NTM: variants seen among roughly 807,000 people sequenced by gnomAD.
NTM encodes the protein IgLON family member 2.
In NTM, 13 loss-of-function variants were observed where a neutral mutation model predicts 42.1. That is an observed-to-expected ratio of 0.31 (90% CI 0.20 to 0.49). The LOEUF is 0.49. NTM is among the 20% of genes least tolerant of loss of function. NTM has a pLI of 0.99. For synonymous variants in NTM, 187 were observed against 179.2 expected, an observed-to-expected ratio of 1.04 and a Z score of -0.35; for missense variants, 373 against 452.8, an observed-to-expected ratio of 0.82 and a Z score of 1.60.
At chr11:131,775,058 C>T (rs2086746130) in intron 1 of NTM, among the ~76,000 whole-genome samples, 1 of 152,176 alleles carries the variant, frequency 6.6e-6, no homozygotes, top group South Asian at 2.1e-4. Flanking sequence ...TCAGTATGAC[C>T]ATTGCTTCTA....
chr11:132,125,368 A>G (rs2065523745), intron 2 of NTM, among the ~76,000 whole-genome samples: 1 of 70,440 alleles, frequency 1.4e-5, no homozygotes, highest in Non-Finnish European at 2.9e-5. Context: ...GTAGTGTATG[A>G]TGTGTGTGTG....
At chr11:132,124,628 C>T (rs549929543) in intron 2 of NTM, among the ~76,000 whole-genome samples, 6 of 152,158 alleles carry the variant, frequency 3.9e-5, no homozygotes, top group South Asian at 4.1e-4. Context: ...TGTGTGCGCG[C>T]GCACGCGCAG....
In NTM at chr11:131,736,828, T is replaced by C. The variant is rs575637493; in HGVS notation, c.83-174736T>C. On this transcript the variant is annotated intron_variant, in intron 1 of 8. Coordinates refer to ENST00000683400, the MANE Select transcript of NTM (RefSeq NM_001352005.2). Reference sequence around the variant, plus strand: ...ATGAGGAGAGAGGTGTCATCCCTGCTTCCAGCCTGGAAGGAGCTTCATTTA... The same window carrying C: ...ATGAGGAGAGAGGTGTCATCCCTGCCTCCAGCCTGGAAGGAGCTTCATTTA... Among the ~76,000 whole-genome samples the C allele has an allele frequency of 2.6e-4, 40 of 152,326 alleles. 1 individual carries two copies. Among genetic ancestry groups the C allele is most frequent in the Middle Eastern group, 6.8e-3 (2 of 294 alleles).
Position 131,873,708 on chromosome 11 carries a change from T to TAC in NTM, c.83-37845_83-37844dup, listed in dbSNP as rs544445496. Among the ~76,000 whole-genome samples, 137 of 140,954 alleles carry TAC rather than the reference T, an allele frequency of 9.7e-4. 6 individuals are homozygous for TAC. The highest frequency in any genetic ancestry group is 3.6e-3 in the African/African-American group (130 of 36,444). The allele number at this position is 140,954 out of a possible 152,430, so 92.5% of individuals were successfully genotyped here. ...ATATATATACACACATATATATATATACACACACACACTTTTAATGTATAT... is the reference window on the plus strand; with the variant it reads ...ATATATATACACACATATATATATATACACACACACACACTTTTAATGTATAT... On this transcript the variant is annotated intron_variant, in intron 1 of 8. Transcript: ENST00000683400.
At chr11:131,458,463 A>T (rs12224454) in intron 1 of NTM, among the ~76,000 whole-genome samples, 12,338 of 152,174 alleles carry the variant, frequency 0.081, 1,271 homozygotes, top group African/African-American at 0.23. Flanking sequence ...GCCTACCAAA[A>T]TCCCACCATC....
chr11:131,483,505 T>C (rs949534939), intron 1 of NTM, among the ~76,000 whole-genome samples: 3 of 152,158 alleles, frequency 2.0e-5, no homozygotes. Context: ...ATTTTTATAA[T>C]AAAAGGAATG....
chr11:131,658,707 C>T (rs957451821), intron 1 of NTM, among the ~76,000 whole-genome samples: 3 of 152,158 alleles, frequency 2.0e-5, no homozygotes, highest in East Asian at 1.9e-4. Flanking sequence ...CGGTGGCTCA[C>T]GCCTGTAATT....
At chr11:131,422,330 G>A (rs1429528196) in intron 1 of NTM, among the ~76,000 whole-genome samples, 1 of 152,154 alleles carries the variant, frequency 6.6e-6, no homozygotes, top group Non-Finnish European at 1.5e-5. Flanking sequence ...GTCTGAATGT[G>A]TATCTCCTCC....
intron 1 of NTM, among the ~76,000 whole-genome samples, chr11:131,910,511 G>A (rs1375180675): frequency 6.6e-6 from 1 of 151,438 alleles, no homozygotes; most frequent in Non-Finnish European, 1.5e-5. Flanking sequence ...CGCAGTCCGC[G>A]CCGCCAGCCC....
At chr11:131,977,002 CA>C (rs1171775392) in intron 2 of NTM, among the ~76,000 whole-genome samples, 1 of 148,882 alleles carries the variant, frequency 6.7e-6, no homozygotes, top group Admixed American at 6.6e-5. Context: ...CTCATGAGCA[CA>C]GGGGTGACCA....
chr11:131,896,679 CTTTT>C (rs71067345), intron 1 of NTM, among the ~76,000 whole-genome samples: 9,429 of 100,314 alleles, frequency 0.094, 243 homozygotes, highest in African/African-American at 0.11. Context: ...ACATTTTAGG[CTTTT>C]TTTTTTTTTT....
rs532131980 is a variant in NTM, at chr11:132,138,072, T to C, written c.168-8210T>C. ...TACTGCTGGACATGCTGCACCTTAC[T>C]CCTCCTTGCTGTTTACCAAGCTCTT... On this transcript the variant is annotated intron_variant, in intron 2 of 8. Transcript: ENST00000683400. 3.9e-5 allele frequency among the ~76,000 whole-genome samples: 6 copies of C among 152,280 alleles called. No individual in the cohort carries two copies. In the East Asian group the frequency reaches 9.6e-4, roughly 24 times the overall value.
chr11:132,203,113 T>C (rs147001796), intron 3 of NTM, among the ~76,000 whole-genome samples: 3 of 152,216 alleles, frequency 2.0e-5, no homozygotes. Context: ...TGGGGTCCTG[T>C]TGCACAGCGC....
At chr11:131,374,534 ACCT>A (rs1229727739) in intron 1 of NTM, among the ~76,000 whole-genome samples, 20 of 150,430 alleles carry the variant, frequency 1.3e-4, no homozygotes, top group Non-Finnish European at 2.8e-4. Flanking sequence ...TTTCTCAGTA[ACCT>A]CCTTCCATAG....
intron 1 of NTM, among the ~76,000 whole-genome samples, chr11:131,899,121 G>A (rs1270167063): frequency 6.6e-6 from 1 of 152,100 alleles, no homozygotes; most frequent in Admixed American, 6.6e-5. Context: ...CTTTTGGAAC[G>A]AGGCAGCCAA....
intron 1 of NTM, among the ~76,000 whole-genome samples, chr11:131,745,259 G>T (rs1382398401): frequency 6.6e-6 from 1 of 152,170 alleles, no homozygotes; most frequent in Non-Finnish European, 1.5e-5. Context: ...CAGAATGCCT[G>T]TCCCCTACAC....
intron 2 of NTM, among the ~76,000 whole-genome samples, chr11:132,119,380 T>C (rs193219770): frequency 3.9e-5 from 6 of 152,298 alleles, no homozygotes; most frequent in Admixed American, 3.3e-4. Context: ...CTTGACATCA[T>C]GACTGACCCT....
At chr11:131,730,692 C>G (rs554749563) in intron 1 of NTM, among the ~76,000 whole-genome samples, 50 of 121,044 alleles carry the variant, frequency 4.1e-4, no homozygotes, top group African/African-American at 1.4e-3. Flanking sequence ...GCACTCCAAC[C>G]TGGGTGCCAC....
intron 1 of NTM, among the ~76,000 whole-genome samples, chr11:131,670,341 CT>C (rs2069920738): frequency 1.3e-5 from 2 of 152,050 alleles, no homozygotes; most frequent in African/African-American, 4.8e-5. Context: ...TTCTTTCTTT[CT>C]CTCCCTCTCT....
Sources: allele counts gnomAD v4.1 joint callset (sites outside exome capture counted in the v4.1 genomes callset), GRCh38; gene constraint gnomAD v4.1.1; transcripts MANE v1.5; gene names NCBI Gene and HGNC (gene_info 2026-07-23, HGNC 2026-07-21).